Variants in CAMKMT observed in about 807,000 individuals in gnomAD.
CAMKMT encodes CaM KMT.
CAMKMT carries 53 observed loss-of-function variants against 48.0 expected under a neutral mutation model. The observed-to-expected ratio is 1.10, with a 90% CI of 0.89 to 1.39. CAMKMT has a LOEUF of 1.39. CAMKMT is among the 40% of genes most tolerant of loss of function. The pLI, the probability that CAMKMT is intolerant of heterozygous loss-of-function variation, is 0.00. For synonymous variants in CAMKMT, 165 were observed against 152.3 expected (o/e 1.08, Z -0.61); for missense variants, 428 against 402.7 (o/e 1.06, Z -0.54).
intron 2 of CAMKMT, among the ~76,000 whole-genome samples, chr2:44,376,881 C>T (rs1679751311): frequency 1.3e-5 from 2 of 152,062 alleles, no homozygotes; most frequent in South Asian, 4.2e-4. Context: ...GGTTTGTTGT[C>T]GTCTTTGTCT....
chr2:44,384,052 C>G (rs1159766854), intron 2 of CAMKMT, among the ~76,000 whole-genome samples: 4 of 152,204 alleles, frequency 2.6e-5, no homozygotes, highest in Non-Finnish European at 5.9e-5. Flanking sequence ...AATCTCCACA[C>G]TGTTTCCATA....
chr2:44,456,104 A>T (rs139202340), intron 3 of CAMKMT, among the ~76,000 whole-genome samples: 221 of 152,284 alleles, frequency 1.5e-3, no homozygotes, highest in African/African-American at 4.9e-3. Flanking sequence ...TGTAATTCAA[A>T]TATTTGTTCA....
intron 3 of CAMKMT, among the ~76,000 whole-genome samples, chr2:44,422,752 T>C (rs1458141135): frequency 1.3e-5 from 2 of 152,148 alleles, no homozygotes; most frequent in African/African-American, 4.8e-5. Context: ...ATAAATTTTA[T>C]CTTGTAGATC....
At chr2:44,536,934 G>T (rs963356749) in intron 3 of CAMKMT, among the ~76,000 whole-genome samples, 12 of 151,854 alleles carry the variant, frequency 7.9e-5, no homozygotes, top group Non-Finnish European at 2.9e-5. Context: ...TCAATAAATG[G>T]TACTGGGAAA....
intron 9 of CAMKMT, 92 bp from the exon 10 acceptor site, chr2:44,766,338 G>A: frequency 7.1e-7 from 1 of 1,398,914 alleles, no homozygotes; most frequent in Non-Finnish European, 1.0e-6. Context: ...TTTTCTACTT[G>A]AGAGCAGTAC....
At chr2:44,668,440 C>T (rs1314196316) in intron 3 of CAMKMT, among the ~76,000 whole-genome samples, 1 of 152,186 alleles carries the variant, frequency 6.6e-6, no homozygotes, top group Non-Finnish European at 1.5e-5. Flanking sequence ...TGATCGACTC[C>T]TATCACCATA....
chr2:44,640,940 T>C (rs1673417455), intron 3 of CAMKMT, among the ~76,000 whole-genome samples: 1 of 152,210 alleles, frequency 6.6e-6, no homozygotes, highest in Admixed American at 6.5e-5. Flanking sequence ...CTTCCTGGGC[T>C]ATATAGAAAC....
intron 3 of CAMKMT, among the ~76,000 whole-genome samples, chr2:44,576,237 A>G (rs1669211209): frequency 6.6e-6 from 1 of 150,830 alleles, no homozygotes; most frequent in Non-Finnish European, 1.5e-5. Flanking sequence ...CTGAGGCAGG[A>G]GAATTGCTTG....
intron 3 of CAMKMT, among the ~76,000 whole-genome samples, chr2:44,418,208 A>AG (rs985831959): frequency 1.3e-5 from 2 of 151,632 alleles, no homozygotes; most frequent in African/African-American, 4.8e-5. Flanking sequence ...AAAAAAAAAA[A>AG]AGAATTGTAA....
chr2:44,657,761 G>A lies in CAMKMT; in HGVS notation c.377-46522G>A, dbSNP rs1386998168. ...CCAAAAAAAGCTTATTTTGGTAACC[G>A]AATAACTGACAATGATGGATTCTCA... is the stretch of plus-strand genomic sequence containing the variant. On this transcript the variant is annotated intron_variant, in intron 3 of 10. Transcript: ENST00000378494. This position sits in a 1 kb window ranked among gnomAD's most constrained non-coding sequence, Gnocchi z 4.3. Among the ~76,000 whole-genome samples the A allele has an allele frequency of 6.6e-6, 1 of 152,082 alleles. No homozygotes were observed. The highest frequency in any genetic ancestry group is 1.5e-5 in the Non-Finnish European group (1 of 68,010).
chr2:44,588,167 GC>G (rs1273585807), intron 3 of CAMKMT, among the ~76,000 whole-genome samples: 2 of 132,562 alleles, frequency 1.5e-5, no homozygotes, highest in Admixed American at 7.7e-5. Flanking sequence ...CTGCCCGGCC[GC>G]CCCGTCTGAG....
At chr2:44,519,159 C>G (rs1670976079) in intron 3 of CAMKMT, among the ~76,000 whole-genome samples, 2 of 152,156 alleles carry the variant, frequency 1.3e-5, no homozygotes, top group Admixed American at 1.3e-4. Flanking sequence ...AGAGTGCTAG[C>G]AAAGTTGAAA....
Position 44,699,467 on chromosome 2 carries a change from G to A in CAMKMT, c.377-4816G>A, listed in dbSNP as rs535734647. 9.2e-5 allele frequency among the ~76,000 whole-genome samples: 14 copies of A among 152,222 alleles called. No homozygotes were observed. In the South Asian group the frequency reaches 2.7e-3, roughly 29 times the overall value. ...TATTTTGAAGGGAAGTGCTTTTTTC[G>A]GAGCAGTAGGTCTTAGCAGTGAGCT... On this transcript the variant is annotated intron_variant, in intron 3 of 10. Transcript: ENST00000378494.
At chr2:44,754,819 A>G (rs1486805926) in intron 9 of CAMKMT, among the ~76,000 whole-genome samples, 1 of 152,092 alleles carries the variant, frequency 6.6e-6, no homozygotes, top group Non-Finnish European at 1.5e-5. Flanking sequence ...CATCTATTTA[A>G]AGTAAGAAAA....
intron 3 of CAMKMT, among the ~76,000 whole-genome samples, chr2:44,594,242 T>G (rs1670506863): frequency 6.6e-6 from 1 of 152,206 alleles, no homozygotes; most frequent in Non-Finnish European, 1.5e-5. Context: ...CTGCCCGAAG[T>G]AATTTATAAA....
intron 3 of CAMKMT, among the ~76,000 whole-genome samples, chr2:44,495,801 C>T (rs1326274246): frequency 6.6e-6 from 1 of 152,108 alleles, no homozygotes; most frequent in Non-Finnish European, 1.5e-5. Context: ...CATTATGAGC[C>T]CACAAAGAAA....
At chr2:44,644,248 A>G (rs182706952) in intron 3 of CAMKMT, among the ~76,000 whole-genome samples, 1 of 152,318 alleles carries the variant, frequency 6.6e-6, no homozygotes, top group Admixed American at 6.5e-5. Flanking sequence ...GGCCCAAAAA[A>G]CTATGAAAGG....
intron 3 of CAMKMT, among the ~76,000 whole-genome samples, chr2:44,545,658 G>T (rs1004094401): frequency 6.7e-6 from 1 of 149,350 alleles, no homozygotes; most frequent in Admixed American, 6.7e-5. Flanking sequence ...GAAGAATCCG[G>T]TGTTCTAACT....
At chr2:44,425,417 C>T (rs1029108149) in intron 3 of CAMKMT, among the ~76,000 whole-genome samples, 1 of 151,670 alleles carries the variant, frequency 6.6e-6, no homozygotes, top group Non-Finnish European at 1.5e-5. Flanking sequence ...TGCAAGTTAT[C>T]GTAGAAGTAT....
Sources: gnomAD v4.1 joint callset for allele counts (sites outside exome capture counted in the v4.1 genomes callset) on GRCh38, gnomAD v4.1.1 for gene constraint, Gnocchi (gnomAD v3.1) non-coding constraint, MANE v1.5 for transcripts, NCBI Gene and HGNC (gene_info 2026-07-23, HGNC 2026-07-21) for gene names.